The following CDC42EP3 variants were observed in gnomAD, a reference collection of about 807,000 sequenced individuals.
CDC42EP3 encodes CDC42 effector protein 3.
A neutral mutation model predicts 15.5 loss-of-function variants in CDC42EP3; 4 were observed. The ratio of observed to expected loss-of-function variants is 0.26; its 90% CI spans 0.13 to 0.59. CDC42EP3 has a LOEUF of 0.59. Among genes scored for constraint, CDC42EP3 ranks in the 20% least tolerant of loss-of-function variants. The probability of loss-of-function intolerance (pLI) is 0.89; values close to 1 mark genes in which losing one functional copy is unlikely to be tolerated. For synonymous variants in CDC42EP3, 145 were observed against 130.3 expected (o/e 1.11, Z -0.77); for missense variants, 309 against 311.2 (o/e 0.99, Z 0.05).
At chr2:37,662,830 T>C (rs1435738790) in intron 1 of CDC42EP3, among the ~76,000 whole-genome samples, 1 of 152,208 alleles carries the variant, frequency 6.6e-6, no homozygotes, top group Non-Finnish European at 1.5e-5. Flanking sequence ...GAGTGAGCCA[T>C]GTGCCTCTCG....
In CDC42EP3 at chr2:37,649,164, A is replaced by T. The variant is rs1441024936; in HGVS notation, c.-235-2342T>A. On this transcript the variant is annotated intron_variant, in intron 1 of 1. Coordinates refer to ENST00000295324, the MANE Select transcript of CDC42EP3 (RefSeq NM_006449.5). Reference sequence around the variant, plus strand: ...GCAAGACCCTGTCTCTATGAAAAAAAAATTAGCTGGGCATGGGGGCACCCG... The same window carrying T: ...GCAAGACCCTGTCTCTATGAAAAAATAATTAGCTGGGCATGGGGGCACCCG... Among the ~76,000 whole-genome samples, 6 of 151,790 alleles carry T rather than the reference A, an allele frequency of 4.0e-5. No individual in the cohort carries two copies. In the East Asian group the frequency reaches 1.2e-3, roughly 29 times the overall value.
At chr2:37,658,287 T>C (rs887396334) in intron 1 of CDC42EP3, among the ~76,000 whole-genome samples, 17 of 152,224 alleles carry the variant, frequency 1.1e-4, no homozygotes, top group African/African-American at 4.1e-4. Context: ...TGCCTTAACA[T>C]CAAGCATGTG....
At position 37,659,792 on chromosome 2, in the gene CDC42EP3, A is replaced by G. The variant is rs143454628; in HGVS notation, c.-236+11634T>C. ...AACTACAATGGACAGTCTATAGAAAAGGGTTGTTTGGAAGATCAATGTGTG... is the reference window on the plus strand; with the variant it reads ...AACTACAATGGACAGTCTATAGAAAGGGGTTGTTTGGAAGATCAATGTGTG... On this transcript the variant is annotated intron_variant, in intron 1 of 1. Transcript: ENST00000295324. 1.5e-3 allele frequency among the ~76,000 whole-genome samples: 222 copies of G among 152,330 alleles called. 2 individuals carry two copies. Among genetic ancestry groups the G allele is most frequent in the African/African-American group, 5.2e-3 (217 of 41,582 alleles).
chr2:37,650,541 A>G (rs1489737590), intron 1 of CDC42EP3, among the ~76,000 whole-genome samples: 1 of 152,222 alleles, frequency 6.6e-6, no homozygotes, highest in African/African-American at 2.4e-5. Flanking sequence ...TGAGGAAGCC[A>G]TGAGGCTGTT....
At position 37,642,588 on chromosome 2, in the gene CDC42EP3, T is replaced by G. The variant is rs1028927751; in HGVS notation, c.*3235A>C. On this transcript the variant is annotated 3_prime_UTR_variant, in exon 2 of 2. Coordinates refer to ENST00000295324, the MANE Select transcript of CDC42EP3 (RefSeq NM_006449.5). ...GAGAGAAACCATCATGTTGGCTCATTCTATTGTGTTTATATATTTCACAGT... is the reference window on the plus strand; with the variant it reads ...GAGAGAAACCATCATGTTGGCTCATGCTATTGTGTTTATATATTTCACAGT... The G allele has an allele frequency of 2.0e-5, 3 of 152,224 alleles. No homozygotes were observed. In the South Asian group the frequency reaches 6.2e-4, roughly 31 times the overall value. The allele number at this position is 152,224 out of a possible 1,614,324, so 9.4% of individuals were successfully genotyped here. A position where few individuals can be genotyped will look rare whatever the true frequency, so the allele number is the denominator to read the frequency against.
At chr2:37,648,644 G>C (rs1029252662) in intron 1 of CDC42EP3, among the ~76,000 whole-genome samples, 1 of 152,232 alleles carries the variant, frequency 6.6e-6, no homozygotes, top group Non-Finnish European at 1.5e-5. Context: ...ATGCAGAGTG[G>C]GCTGACCATG....
At chr2:37,655,215 C>A (rs771453076) in intron 1 of CDC42EP3, among the ~76,000 whole-genome samples, 3 of 152,170 alleles carry the variant, frequency 2.0e-5, no homozygotes, top group Non-Finnish European at 2.9e-5. Flanking sequence ...AACGAGCAGG[C>A]GGTATTTTAA....
chr2:37,646,357 C>T lies in CDC42EP3; in HGVS notation c.231G>A (p.Gln77=). 6.2e-7 allele frequency: 1 copy of T among 1,614,012 alleles called. No homozygotes were observed. Among genetic ancestry groups the T allele is most frequent in the South Asian group, 1.1e-5 (1 of 91,062 alleles). Residue 77 remains glutamine, a synonymous_variant, in exon 2 of 2, where the codon CAG becomes CAA. Transcript: ENST00000295324. ...PGNQEKAHLG[Q]FPGHNEFFRA... ...GGAAGAACTCATTATGCCCAGGGAA[C>T]TGGCCCAGGTGTGCTTTCTCCTGGT...
At chr2:37,672,409 G>A (rs889254601), upstream of CDC42EP3, 9 of 152,222 alleles carry the variant, frequency 5.9e-5, no homozygotes, top group Non-Finnish European at 1.0e-4. Context: ...GCCTAAAGCT[G>A]GGGCAAGCCG....
chr2:37,669,258 T>C (rs961774129), intron 1 of CDC42EP3, among the ~76,000 whole-genome samples: 2 of 148,310 alleles, frequency 1.3e-5, no homozygotes, highest in African/African-American at 5.0e-5. Context: ...AAAAAAATCT[T>C]TGGGTGATAC....
chr2:37,667,945 A>C (rs1666295222), intron 1 of CDC42EP3, among the ~76,000 whole-genome samples: 1 of 152,188 alleles, frequency 6.6e-6, no homozygotes, highest in Non-Finnish European at 1.5e-5. Context: ...AGAGCAATAT[A>C]ATAGTCTGCC....
At chr2:37,662,663 G>A (rs994873620) in intron 1 of CDC42EP3, among the ~76,000 whole-genome samples, 8 of 152,186 alleles carry the variant, frequency 5.3e-5, no homozygotes, top group Non-Finnish European at 1.2e-4. Context: ...ATCCCAGGGT[G>A]AGCCCACAAG....
At chr2:37,652,579 C>A (rs887160702) in intron 1 of CDC42EP3, among the ~76,000 whole-genome samples, 17 of 152,052 alleles carry the variant, frequency 1.1e-4, no homozygotes, top group African/African-American at 3.4e-4. Context: ...CCCTTTCCTG[C>A]AACCAAGGGT....
At chr2:37,661,796 T>A (rs1452476241) in intron 1 of CDC42EP3, among the ~76,000 whole-genome samples, 2 of 152,170 alleles carry the variant, frequency 1.3e-5, no homozygotes, top group Non-Finnish European at 2.9e-5. Flanking sequence ...TTTTCTTAAA[T>A]ACGTGATAAG....
At chr2:37,670,863 G>A (rs967922462) in intron 1 of CDC42EP3, among the ~76,000 whole-genome samples, 3 of 152,272 alleles carry the variant, frequency 2.0e-5, no homozygotes, top group African/African-American at 7.2e-5. Context: ...GTTTCAAGGA[G>A]AAAGGGAAGA....
chr2:37,645,847 C>G lies in CDC42EP3; in HGVS notation c.741G>C (p.Leu247=), dbSNP rs1450489659. The change falls in exon 2 of 2, where the codon CTG becomes CTC. Residue 247 remains leucine, a synonymous_variant. Coordinates refer to ENST00000295324, the MANE Select transcript of CDC42EP3 (RefSeq NM_006449.5). ...DLGPSLLDEV[L]NVMDKNK The stretch of plus-strand genomic sequence containing the variant: ...GTTACTTATTTTTATCCATTACATT[C>G]AGCACCTCATCCAAAAGTGAGGGCC... The G allele has an allele frequency of 1.3e-6, 2 of 1,552,522 alleles. No homozygotes were observed. The highest frequency in any genetic ancestry group is 4.2e-5 in the Admixed American group (2 of 47,572).
intron 1 of CDC42EP3, among the ~76,000 whole-genome samples, chr2:37,670,687 C>T (rs1296150649): frequency 6.6e-6 from 1 of 152,000 alleles, no homozygotes; most frequent in African/African-American, 2.4e-5. Context: ...CTAGACTGCA[C>T]AGTATAAAGG....
At position 37,646,281 on chromosome 2, in the gene CDC42EP3, G is replaced by A; in HGVS notation, c.307C>T (p.Leu103Phe). The change falls in exon 2 of 2, where the codon CTC (leucine) becomes TTC (phenylalanine). Residue 103 changes from leucine (L) to phenylalanine (F), a missense_variant. Transcript: ENST00000295324. The part of the protein sequence containing the change: ...SVFTETPSPV[L>F]KNAISLPTIG... ...GTCGGGAGGGAGATGGCATTTTTGAGCACCGGGGAGGGCGTTTCTGTGAAC... is the reference window on the plus strand; with the variant it reads ...GTCGGGAGGGAGATGGCATTTTTGAACACCGGGGAGGGCGTTTCTGTGAAC... 1 of 1,614,196 alleles carries A rather than the reference G, an allele frequency of 6.2e-7. No individual in the cohort carries two copies. The highest frequency in any genetic ancestry group is 8.5e-7 in the Non-Finnish European group (1 of 1,180,034).
upstream of CDC42EP3, chr2:37,671,781 T>C (rs1437258572): frequency 6.9e-6 from 1 of 145,388 alleles, no homozygotes; most frequent in Non-Finnish European, 1.5e-5. Flanking sequence ...GCGGTACCTG[T>C]GCCCTGGCCC....
Sources: allele counts gnomAD v4.1 joint callset (sites outside exome capture counted in the v4.1 genomes callset), GRCh38; gene constraint gnomAD v4.1.1; transcripts MANE v1.5; gene names NCBI Gene and HGNC (gene_info 2026-07-23, HGNC 2026-07-21).